The following TNR variants were observed in gnomAD, a reference collection of about 807,000 sequenced individuals.
TNR encodes tenascin-R.
A neutral mutation model predicts 150.4 loss-of-function variants in TNR; 45 were observed. The ratio of observed to expected loss-of-function variants is 0.30; its 90% confidence interval spans 0.24 to 0.38. The LOEUF (loss-of-function observed/expected upper bound fraction) is 0.38. Among genes scored for constraint, TNR ranks in the 10% least tolerant of loss-of-function variants. TNR has a pLI of 1.00. For synonymous variants in TNR, 687 were observed against 678.4 expected, an observed-to-expected ratio of 1.01 and a Z score of -0.20; for missense variants, 1,544 against 1,759.1, an observed-to-expected ratio of 0.88 and a Z score of 2.19.
At chr1:175,651,702 T>C (rs1665001562) in intron 1 of TNR, among the ~76,000 whole-genome samples, 1 of 151,972 alleles carries the variant, frequency 6.6e-6, no homozygotes, top group Admixed American at 6.6e-5. Flanking sequence ...AAAAGAAAGA[T>C]GCCCAACTCA....
At chr1:175,334,539 G>C (rs1291894891) in intron 20 of TNR, among the ~76,000 whole-genome samples, 1 of 152,172 alleles carries the variant, frequency 6.6e-6, no homozygotes, top group South Asian at 2.1e-4. Context: ...ATTGCAGATT[G>C]GTCTTTTGAG....
chr1:175,628,953 A>G (rs767650957), intron 1 of TNR, among the ~76,000 whole-genome samples: 3 of 152,086 alleles, frequency 2.0e-5, no homozygotes, highest in Non-Finnish European at 4.4e-5. Flanking sequence ...TTTCTCTCAA[A>G]TTTAATTTTA....
intron 1 of TNR, among the ~76,000 whole-genome samples, chr1:175,670,376 C>G (rs778607988): frequency 6.6e-5 from 10 of 152,098 alleles, no homozygotes; most frequent in Non-Finnish European, 1.5e-4. Context: ...CAGCATCCCT[C>G]AGAAGAGGGT....
intron 2 of TNR, among the ~76,000 whole-genome samples, chr1:175,470,073 T>C (rs982944837): frequency 3.3e-5 from 5 of 151,982 alleles, no homozygotes; most frequent in African/African-American, 1.2e-4. Flanking sequence ...AAAGAAACTG[T>C]GAGGAGTAAA....
Position 175,460,998 on chromosome 1 carries a change from C to G in TNR, c.-63-54221G>C, listed in dbSNP as rs542157025. 8.7e-4 allele frequency among the ~76,000 whole-genome samples: 133 copies of G among 152,320 alleles called. 1 individual carries two copies. The highest frequency in any genetic ancestry group is 1.8e-3 in the Admixed American group (28 of 15,302). ...ACATACACACATGTATGTGCACACA[C>G]TGATGCATGCTTGCATGGCTGAAGC... is the stretch of plus-strand genomic sequence containing the variant. On this transcript the variant is annotated intron_variant, in intron 2 of 22. Coordinates refer to ENST00000367674, the MANE Select transcript of TNR (RefSeq NM_003285.3).
chr1:175,466,302 C>T (rs1162632472), intron 2 of TNR, among the ~76,000 whole-genome samples: 1 of 152,206 alleles, frequency 6.6e-6, no homozygotes, highest in Non-Finnish European at 1.5e-5. Flanking sequence ...TCAGCCTCTG[C>T]TTTTCTGATG....
Position 175,365,002 on chromosome 1 carries a change from A to C in TNR, c.2587+8T>G. On this transcript the variant is annotated splice_region_variant and intron_variant, in intron 12 of 22. Transcript: ENST00000367674. ...TTCATCACCTGCTGCCAAGTCCTCC[A>C]GCCTCACCTGTGGTGATGGAGCCCA... 1 of 1,597,022 alleles carries C rather than the reference A, an allele frequency of 6.3e-7. No homozygotes were observed. The highest frequency in any genetic ancestry group is 1.1e-5 in the South Asian group (1 of 90,196).
intron 1 of TNR, among the ~76,000 whole-genome samples, chr1:175,710,927 C>G (rs920359554): frequency 6.6e-6 from 1 of 152,126 alleles, no homozygotes; most frequent in Non-Finnish European, 1.5e-5. Context: ...ACAGGCGTGC[C>G]TTTGCTGCTG....
intron 1 of TNR, among the ~76,000 whole-genome samples, chr1:175,623,986 T>C (rs1178059581): frequency 6.6e-6 from 1 of 152,192 alleles, no homozygotes; most frequent in East Asian, 1.9e-4. Context: ...ATGTTTTATT[T>C]CCATCTATAT....
intron 9 of TNR, among the ~76,000 whole-genome samples, chr1:175,378,612 G>T (rs1652521205): frequency 6.6e-6 from 1 of 152,240 alleles, no homozygotes; most frequent in Non-Finnish European, 1.5e-5. Context: ...GCATTGGCTA[G>T]ATGAAGAGGT....
intron 2 of TNR, among the ~76,000 whole-genome samples, chr1:175,471,045 G>A (rs1239200882): frequency 1.3e-5 from 2 of 152,208 alleles, no homozygotes; most frequent in Non-Finnish European, 2.9e-5. Context: ...TTGTGTTGCT[G>A]GGAACAGGAG....
chr1:175,721,837 G>A (rs1667311517), intron 1 of TNR, among the ~76,000 whole-genome samples: 1 of 149,834 alleles, frequency 6.7e-6, no homozygotes, highest in South Asian at 2.1e-4. Context: ...AGATCCACCA[G>A]CGCCCTCCCC....
intron 8 of TNR, among the ~76,000 whole-genome samples, chr1:175,384,071 A>C (rs1652809584): frequency 6.6e-6 from 1 of 152,222 alleles, no homozygotes; most frequent in Non-Finnish European, 1.5e-5. Flanking sequence ...GTCGACCTGA[A>C]CACCAAGAAT....
chr1:175,698,730 G>A (rs1666602194), intron 1 of TNR, among the ~76,000 whole-genome samples: 1 of 152,002 alleles, frequency 6.6e-6, no homozygotes, highest in African/African-American at 2.4e-5. Context: ...AATCCCTCAG[G>A]AGGCTGAGGC....
intron 1 of TNR, among the ~76,000 whole-genome samples, chr1:175,577,270 T>C (rs1174459810): frequency 6.6e-6 from 1 of 152,146 alleles, no homozygotes; most frequent in Admixed American, 6.5e-5. Context: ...CCACAGTTTG[T>C]TGGGCAGGTT....
chr1:175,655,968 G>C (rs1377102941), intron 1 of TNR, among the ~76,000 whole-genome samples: 1 of 152,200 alleles, frequency 6.6e-6, no homozygotes, highest in Non-Finnish European at 1.5e-5. Context: ...ACAGGCTCAA[G>C]TGTAGGGATA....
chr1:175,490,414 A>G (rs958958407), intron 2 of TNR, among the ~76,000 whole-genome samples: 2 of 152,244 alleles, frequency 1.3e-5, no homozygotes, highest in African/African-American at 4.8e-5. Flanking sequence ...AACAAAAGAA[A>G]CTATCAACGG....
chr1:175,331,059 T>TC (rs1649799803), intron 20 of TNR, among the ~76,000 whole-genome samples: 3 of 121,846 alleles, frequency 2.5e-5, no homozygotes, highest in Admixed American at 8.5e-5. Flanking sequence ...CTTTCTTTCT[T>TC]TCTTTCTTTC....
chr1:175,490,858 C>T (rs1357971294), intron 2 of TNR, among the ~76,000 whole-genome samples: 1 of 152,148 alleles, frequency 6.6e-6, no homozygotes, highest in African/African-American at 2.4e-5. Flanking sequence ...ACCCAATAAT[C>T]TCATTACTGG....
Sources: allele counts gnomAD v4.1 joint callset (sites outside exome capture counted in the v4.1 genomes callset), GRCh38; gene constraint gnomAD v4.1.1; transcripts MANE v1.5; gene names NCBI Gene and HGNC (gene_info 2026-07-23, HGNC 2026-07-21).